Variants in PFKFB2 observed in about 807,000 individuals in gnomAD.
PFKFB2 encodes the protein 6-phosphofructo-2-kinase/fructose-2,6-bisphosphatase 2.
A neutral mutation model predicts 68.0 loss-of-function variants in PFKFB2; 53 were observed. The observed-to-expected ratio is 0.78, with a 90% confidence interval of 0.63 to 0.98. The LOEUF is 0.98. Among genes scored for constraint, PFKFB2 ranks in the 50% least tolerant of loss-of-function variants. PFKFB2 has a pLI of 0.00. For synonymous variants in PFKFB2, 222 were observed against 227.6 expected (o/e 0.98, Z 0.22); for missense variants, 451 against 642.0 (o/e 0.70, Z 3.22).
intron 2 of PFKFB2, among the ~76,000 whole-genome samples, chr1:207,042,526 C>T (rs981081698): frequency 1.8e-5 from 2 of 114,102 alleles, no homozygotes; most frequent in Admixed American, 1.3e-4. Flanking sequence ...GCAGCCTGGG[C>T]GACACAGCAA....
chr1:207,054,300 C>T (rs897155513), intron 1 of PFKFB2, among the ~76,000 whole-genome samples: 7 of 152,136 alleles, frequency 4.6e-5, no homozygotes, highest in African/African-American at 1.7e-4. Context: ...ACTGCTGCCA[C>T]TACTCTGCCC....
downstream of PFKFB2, chr1:207,080,614 T>C (rs1484925552): frequency 6.6e-6 from 1 of 152,244 alleles, no homozygotes; most frequent in Non-Finnish European, 1.5e-5. Context: ...TATTTAGTTA[T>C]TTATTCTATC....
chr1:207,076,232 A>G lies in PFKFB2; in HGVS notation c.*3861A>G. ...GATATAGCTGTTTGGAAATAAATTC[A>G]TCTATGTTACTTTTTTTTTCTTTTT... On this transcript the variant is annotated 3_prime_UTR_variant, in exon 15 of 15. Transcript: ENST00000367080. 1.0e-6 allele frequency: 1 copy of G among 975,444 alleles called. No homozygotes were observed. Among genetic ancestry groups the G allele is most frequent in the Non-Finnish European group, 1.2e-6 (1 of 822,264 alleles). 60.4% of individuals were successfully genotyped at this position (975,444 alleles called of 1,614,324 possible). A position where few individuals can be genotyped will look rare whatever the true frequency, so the allele number is the denominator to read the frequency against.
chr1:207,072,494 A>G lies in PFKFB2; in HGVS notation c.*123A>G, dbSNP rs1683495727. 6.8e-7 allele frequency: 1 copy of G among 1,468,236 alleles called. No homozygotes were observed. Among genetic ancestry groups the G allele is most frequent in the Admixed American group, 2.7e-5 (1 of 36,784 alleles). The allele number at this position is 1,468,236 out of a possible 1,614,324, so 91.0% of individuals were successfully genotyped here. ...TCCTCCCTCTATGCCCACCCCTGAC[A>G]CTTCACCATTAATCTTAACACAGAA... On this transcript the variant is annotated 3_prime_UTR_variant, in exon 15 of 15. Transcript: ENST00000367080.
chr1:207,064,087 A>G (rs763136990), intron 7 of PFKFB2, among the ~76,000 whole-genome samples: 5 of 152,152 alleles, frequency 3.3e-5, no homozygotes, highest in Non-Finnish European at 7.4e-5. Context: ...AATTGAAACC[A>G]GGGTTTAGGT....
chr1:207,069,355 C>T (rs1048039237), intron 10 of PFKFB2, 69 bp from the exon 11 acceptor site: 9 of 1,040,926 alleles, frequency 8.6e-6, no homozygotes, highest in Non-Finnish European at 1.2e-5. Flanking sequence ...ATGTCATCTT[C>T]CTTATTTGGG....
chr1:207,062,860 C>T (rs1186400175), intron 4 of PFKFB2, 144 bp downstream of exon 4: 2 of 825,176 alleles, frequency 2.4e-6, no homozygotes, highest in African/African-American at 1.7e-5. Context: ...TGACCTTGGG[C>T]TTGGGTGGTC....
chr1:207,076,592 T>C lies in PFKFB2; in HGVS notation c.*4221T>C, dbSNP rs767946985. On this transcript the variant is annotated 3_prime_UTR_variant, in exon 15 of 15. Coordinates refer to ENST00000367080, the MANE Select transcript of PFKFB2 (RefSeq NM_006212.2). ...CCAGGGATTTAATTTAGACCCATAC[T>C]GTCCAGGAGACTGTCTCTAGTTGGA... 1 of 985,346 alleles carries C rather than the reference T, an allele frequency of 1.0e-6. No homozygotes were observed. The allele number at this position is 985,346 out of a possible 1,614,324, so 61.0% of individuals were successfully genotyped here.
At chr1:207,052,208 C>G (rs1682769992), upstream of PFKFB2, 1 of 1,612,660 alleles carries the variant, frequency 6.2e-7, no homozygotes, top group African/African-American at 1.3e-5. Flanking sequence ...GACTTTGCTT[C>G]TGAATAAATT....
intron 2 of PFKFB2, among the ~76,000 whole-genome samples, chr1:207,059,917 G>T (rs1572720443): frequency 6.6e-6 from 1 of 152,212 alleles, no homozygotes; most frequent in African/African-American, 2.4e-5. Flanking sequence ...AGGCAGAGGG[G>T]CAGCCGCAAC....
rs1254162227 is a variant in PFKFB2, at chr1:207,075,944, A to G, written c.*3573A>G. On this transcript the variant is annotated 3_prime_UTR_variant, in exon 15 of 15. Transcript: ENST00000367080. ...ATTGTTGTTTTGTTTTGGTAAAGGGATGATTTTTACATTGAGTTTTAAAGT... is the reference window on the plus strand; with the variant it reads ...ATTGTTGTTTTGTTTTGGTAAAGGGGTGATTTTTACATTGAGTTTTAAAGT... 1 of 985,160 alleles carries G rather than the reference A, an allele frequency of 1.0e-6. No homozygotes were observed. Among genetic ancestry groups the G allele is most frequent in the Non-Finnish European group, 1.2e-6 (1 of 829,800 alleles). 61.0% of individuals were successfully genotyped at this position (985,160 alleles called of 1,614,324 possible).
Position 207,074,670 on chromosome 1 carries a change from C to G in PFKFB2, c.*2299C>G. The G allele has an allele frequency of 2.0e-6, 2 of 985,378 alleles. No individual in the cohort carries two copies. Among genetic ancestry groups the G allele is most frequent in the Non-Finnish European group, 2.4e-6 (2 of 829,912 alleles). The allele number at this position is 985,378 out of a possible 1,614,324, so 61.0% of individuals were successfully genotyped here. A position where few individuals can be genotyped will look rare whatever the true frequency, so the allele number is the denominator to read the frequency against. ...TGGTTACATAACATGTACTTAGTGT[C>G]TTTGTGGAGCTTTGGGCTGGTAGGG... On this transcript the variant is annotated 3_prime_UTR_variant, in exon 15 of 15. Transcript: ENST00000367080.
chr1:207,049,317 C>T (rs892525615), upstream of PFKFB2: 1 of 1,614,044 alleles, frequency 6.2e-7, no homozygotes, highest in Admixed American at 1.7e-5. Flanking sequence ...CTGCATCTTC[C>T]CCAAAACGAT....
At chr1:207,054,842 A>AT in intron 2 of PFKFB2, 40 bp downstream of exon 2, 1 of 1,357,976 alleles carries the variant, frequency 7.4e-7, no homozygotes, top group Non-Finnish European at 1.0e-6. Context: ...CTCTCTCAGC[A>AT]TTTTATCTTG....
downstream of PFKFB2, chr1:207,078,878 G>A (rs865971831): frequency 2.8e-5 from 35 of 1,232,618 alleles, no homozygotes; most frequent in Middle Eastern, 3.7e-4. Context: ...GGTAGGGGAA[G>A]GATTCTGTTC....
chr1:207,053,072 G>C (rs1041574072), upstream of PFKFB2: 2 of 152,210 alleles, frequency 1.3e-5, no homozygotes, highest in African/African-American at 2.4e-5. Context: ...CAGGCTCCTC[G>C]GCGCTGGGAA....
Position 207,056,339 on chromosome 1 carries a change from C to A in PFKFB2, c.85+1537C>A, listed in dbSNP as rs183890131. Among the ~76,000 whole-genome samples the A allele has an allele frequency of 1.4e-4, 21 of 150,042 alleles. No homozygotes were observed. The East Asian group carries it at 3.7e-3, about 26-fold the overall frequency. On this transcript the variant is annotated intron_variant, in intron 2 of 14. Transcript: ENST00000367080. ...TTTTTTCAGTAAAAAATGTTTTCTT[C>A]TCTTATTTGACAATATTGTAACCCA... is the stretch of plus-strand genomic sequence containing the variant.
At position 207,062,672 on chromosome 1, in the gene PFKFB2, C is replaced by T. The variant is rs183807217; in HGVS notation, c.264C>T (p.Tyr88=). 249 of 1,614,130 alleles carry T rather than the reference C, an allele frequency of 1.5e-4. 1 individual carries two copies. The highest frequency in any genetic ancestry group is 1.1e-4 in the South Asian group (10 of 91,086). ...RREAVKSYKS[Y]DFFRHDNEEA... The stretch of plus-strand genomic sequence containing the variant: ...AAGCAGTCAAGTCCTATAAGTCCTA[C>T]GACTTCTTTCGGCATGACAATGAGG... Residue 88 remains tyrosine (Y), a synonymous_variant, in exon 4 of 15, where the codon TAC becomes TAT. Transcript: ENST00000367080.
intron 2 of PFKFB2, chr1:207,046,090 C>T (rs1379404659): frequency 6.6e-6 from 1 of 152,042 alleles, no homozygotes; most frequent in Non-Finnish European, 1.5e-5. Flanking sequence ...TAGTACTACA[C>T]CTGACCTTTA....
Sources: allele counts gnomAD v4.1 joint callset (sites outside exome capture counted in the v4.1 genomes callset), GRCh38; gene constraint gnomAD v4.1.1; transcripts MANE v1.5; gene names NCBI Gene and HGNC (gene_info 2026-07-23, HGNC 2026-07-21).